The following CACNA1C variants were observed in gnomAD, a reference collection of about 807,000 sequenced individuals.
CACNA1C encodes calcium voltage-gated channel subunit alpha1 C.
Under a neutral mutation model 229.0 loss-of-function variants are expected in CACNA1C, and 30 were observed. The ratio of observed to expected loss-of-function variants is 0.13; its 90% confidence interval spans 0.10 to 0.18. The LOEUF is 0.18. CACNA1C is among the 10% of genes least tolerant of loss of function. The pLI is 1.00. For synonymous variants in CACNA1C, 1,114 were observed against 1,132.5 expected (o/e 0.98, Z 0.33); for missense variants, 1,658 against 2,845.0 (o/e 0.58, Z 9.49).
chr12:2,669,338 GA>G (rs11424036), intron 38 of CACNA1C, among the ~76,000 whole-genome samples: 5 of 151,068 alleles, frequency 3.3e-5, no homozygotes, highest in South Asian at 2.1e-4. Context: ...CTGATGAACT[GA>G]AAAAAAAAAT....
At chr12:2,155,069 A>C (rs962767111) in intron 3 of CACNA1C, among the ~76,000 whole-genome samples, 1 of 151,782 alleles carries the variant, frequency 6.6e-6, no homozygotes, top group Non-Finnish European at 1.5e-5. Context: ...TTGTGGGAAG[A>C]CTCTCCTAAC....
chr12:2,047,815 T>C (rs1190655532), intron 1 of CACNA1C, among the ~76,000 whole-genome samples: 2 of 152,220 alleles, frequency 1.3e-5, no homozygotes, highest in African/African-American at 4.8e-5. Flanking sequence ...AGAAGGCTGC[T>C]GCCTCTGCAT....
At chr12:1,996,257 T>G (rs1400051258) in intron 1 of CACNA1C, among the ~76,000 whole-genome samples, 1 of 152,152 alleles carries the variant, frequency 6.6e-6, no homozygotes, top group Admixed American at 6.5e-5. Flanking sequence ...TCATAAGCCT[T>G]CAATAACTTC....
chr12:2,492,516 G>A (rs892936167), intron 6 of CACNA1C, among the ~76,000 whole-genome samples: 1 of 152,226 alleles, frequency 6.6e-6, no homozygotes, highest in Non-Finnish European at 1.5e-5. Context: ...TCAGTAGCGT[G>A]TACTCACAGG....
chr12:2,031,986 A>AGT (rs1285074839), intron 1 of CACNA1C, among the ~76,000 whole-genome samples: 1 of 104,788 alleles, frequency 9.5e-6, no homozygotes, highest in Non-Finnish European at 1.8e-5. Context: ...TGTGTGTGTG[A>AGT]GTGTGTTTGT....
rs370755628 is a variant in CACNA1C at position 2,135,562 on chromosome 12, T to G, written c.477+15132T>G. Among the ~76,000 whole-genome samples the G allele has an allele frequency of 1.8e-4, 24 of 132,754 alleles. 2 individuals are homozygous for G. Among genetic ancestry groups the G allele is most frequent in the East Asian group, 1.1e-3 (5 of 4,736 alleles). 87.1% of individuals were successfully genotyped at this position (132,754 alleles called of 152,430 possible). On this transcript the variant is annotated intron_variant, in intron 3 of 46. Transcript: ENST00000399655. ...CAGCTGCAGGTCTGTTGGAGTACCC[T>G]GCTGTGAGAGGTGTCAGTCTGCCCC...
At chr12:2,581,556 G>A (rs1240532170) in intron 13 of CACNA1C, 34 bp from the exon 14 acceptor site, 12 of 1,525,042 alleles carry the variant, frequency 7.9e-6, no homozygotes, top group Non-Finnish European at 1.1e-5. Flanking sequence ...ACAGCAAGGG[G>A]CAGAGTGCTG....
intron 30 of CACNA1C, chr12:2,641,887 C>T: frequency 1.5e-6 from 1 of 660,268 alleles, no homozygotes; most frequent in Non-Finnish European, 2.8e-6. Flanking sequence ...GTTAGCAGAG[C>T]CACCCTCATT....
intron 3 of CACNA1C, among the ~76,000 whole-genome samples, chr12:2,419,450 G>C (rs1203179213): frequency 6.6e-6 from 1 of 152,078 alleles, no homozygotes; most frequent in Non-Finnish European, 1.5e-5. Context: ...CCCACCTCCA[G>C]TCCTCCAGTG....
At chr12:2,301,780 C>T (rs1566950013) in intron 3 of CACNA1C, among the ~76,000 whole-genome samples, 1 of 152,130 alleles carries the variant, frequency 6.6e-6, no homozygotes, top group Admixed American at 6.5e-5. Flanking sequence ...TTTTCCAAGC[C>T]CCAGACTCTG....
At chr12:2,655,646 C>T (rs558167360) in intron 34 of CACNA1C, among the ~76,000 whole-genome samples, 2 of 152,332 alleles carry the variant, frequency 1.3e-5, no homozygotes, top group African/African-American at 4.8e-5. Flanking sequence ...GTGCCATTTG[C>T]CGTGCTGGGC....
At chr12:2,397,792 C>T (rs2098609388) in intron 3 of CACNA1C, among the ~76,000 whole-genome samples, 1 of 152,262 alleles carries the variant, frequency 6.6e-6, no homozygotes, top group South Asian at 2.1e-4. Context: ...ATAAATCTTA[C>T]TGCTCTGTCA....
chr12:2,214,455 G>T (rs2283290), intron 3 of CACNA1C, among the ~76,000 whole-genome samples: 9,575 of 152,114 alleles, frequency 0.063, 450 homozygotes, highest in Non-Finnish European at 0.096. Flanking sequence ...TTCTTACTAC[G>T]TGTGGTCATT....
intron 9 of CACNA1C, among the ~76,000 whole-genome samples, chr12:2,547,206 C>T (rs2099882945): frequency 1.3e-5 from 2 of 152,216 alleles, no homozygotes; most frequent in Admixed American, 1.3e-4. Flanking sequence ...AATTCCTTCT[C>T]TCCAGGGTCC....
intron 3 of CACNA1C, among the ~76,000 whole-genome samples, chr12:2,237,704 A>G (rs2067990703): frequency 6.6e-6 from 1 of 152,228 alleles, no homozygotes; most frequent in Non-Finnish European, 1.5e-5. Flanking sequence ...CCTGGGAAGA[A>G]CTGGGCAGAT....
chr12:2,404,479 A>C (rs1179200517), intron 3 of CACNA1C, among the ~76,000 whole-genome samples: 2 of 152,208 alleles, frequency 1.3e-5, no homozygotes, highest in Non-Finnish European at 2.9e-5. Context: ...TTGTCTAGGC[A>C]AGATTAAATC....
chr12:2,530,005 C>A (rs1415820827), intron 9 of CACNA1C, among the ~76,000 whole-genome samples: 2 of 152,224 alleles, frequency 1.3e-5, no homozygotes, highest in Non-Finnish European at 1.5e-5. Context: ...ATGTGGTCTT[C>A]AGCACAATGC....
chr12:2,664,099 A>G (rs1317639681), intron 34 of CACNA1C, among the ~76,000 whole-genome samples: 2 of 152,246 alleles, frequency 1.3e-5, no homozygotes, highest in Non-Finnish European at 2.9e-5. Flanking sequence ...GAATCAAACA[A>G]GCAAAAACAT....
chr12:2,382,208 C>T (rs2098266708), intron 3 of CACNA1C, among the ~76,000 whole-genome samples: 1 of 152,208 alleles, frequency 6.6e-6, no homozygotes, highest in Non-Finnish European at 1.5e-5. Context: ...GTTTCTGTTA[C>T]TTTGTCCACC....
Sources: allele counts gnomAD v4.1 joint callset (sites outside exome capture counted in the v4.1 genomes callset), GRCh38; gene constraint gnomAD v4.1.1; transcripts MANE v1.5; gene names NCBI Gene and HGNC (gene_info 2026-07-23, HGNC 2026-07-21).